Variants in MDGA2 observed in about 807,000 individuals in gnomAD.
MDGA2 encodes the protein MAM domain containing glycosylphosphatidylinositol anchor 2.
In MDGA2, 40 loss-of-function variants were observed where a neutral mutation model predicts 117.8. That is an observed-to-expected ratio of 0.34 (90% CI 0.26 to 0.44). The LOEUF is 0.44. Among genes scored for constraint, MDGA2 ranks in the 20% least tolerant of loss-of-function variants. The pLI, the probability that MDGA2 is intolerant of heterozygous loss-of-function variation, is 1.00. For missense variants in MDGA2, 1,123 were observed against 1,250.6 expected, an observed-to-expected ratio of 0.90 and a Z score of 1.54; for synonymous variants, 452 against 439.0, an observed-to-expected ratio of 1.03 and a Z score of -0.37.
chr14:47,454,965 T>C (rs1893318712), intron 1 of MDGA2, among the ~76,000 whole-genome samples: 1 of 152,180 alleles, frequency 6.6e-6, no homozygotes, highest in Non-Finnish European at 1.5e-5. Context: ...AGTGGAGAAG[T>C]GGATATAACA....
chr14:46,878,031 C>T (rs1882299305), intron 11 of MDGA2, among the ~76,000 whole-genome samples: 1 of 151,916 alleles, frequency 6.6e-6, no homozygotes, highest in Non-Finnish European at 1.5e-5. Context: ...TGAATAGCTA[C>T]ATCAATGCCT....
intron 1 of MDGA2, among the ~76,000 whole-genome samples, chr14:47,338,971 C>G (rs193138931): frequency 1.8e-4 from 28 of 152,172 alleles, no homozygotes; most frequent in Admixed American, 1.8e-3. Flanking sequence ...TAGCCATTAC[C>G]TTCATCAGGA....
At chr14:47,225,652 G>C (rs1886464227) in intron 2 of MDGA2, among the ~76,000 whole-genome samples, 1 of 151,380 alleles carries the variant, frequency 6.6e-6, no homozygotes, top group Non-Finnish European at 1.5e-5. Context: ...TCACACTCTG[G>C]GGACTGTTGT....
chr14:46,987,341 G>T (rs1170867760), intron 8 of MDGA2, among the ~76,000 whole-genome samples: 1 of 152,106 alleles, frequency 6.6e-6, no homozygotes, highest in African/African-American at 2.4e-5. Context: ...TTTGTGATTT[G>T]CCCTGCCAGA....
At chr14:47,485,935 A>T (rs1180920432) in intron 1 of MDGA2, among the ~76,000 whole-genome samples, 1 of 152,202 alleles carries the variant, frequency 6.6e-6, no homozygotes, top group Non-Finnish European at 1.5e-5. Flanking sequence ...GCTCTCATGG[A>T]GAACCTCTGC....
At chr14:47,266,544 T>C (rs768564436) in intron 2 of MDGA2, among the ~76,000 whole-genome samples, 1 of 152,148 alleles carries the variant, frequency 6.6e-6, no homozygotes, top group African/African-American at 2.4e-5. Flanking sequence ...AAAATTAAAA[T>C]CTGATTCTGT....
intron 2 of MDGA2, among the ~76,000 whole-genome samples, chr14:47,228,372 T>C (rs1886578877): frequency 6.6e-6 from 1 of 151,624 alleles, no homozygotes. Context: ...TTAATGATTT[T>C]TCTACTTGAT....
intron 1 of MDGA2, among the ~76,000 whole-genome samples, chr14:47,637,385 A>T (rs1451488823): frequency 1.3e-5 from 2 of 152,228 alleles, no homozygotes; most frequent in African/African-American, 4.8e-5. Flanking sequence ...TATTTAAAAT[A>T]ACTAAATTCC....
intron 5 of MDGA2, among the ~76,000 whole-genome samples, chr14:47,098,457 C>A (rs10144057): frequency 0.52 from 78,825 of 151,164 alleles, 20,941 homozygotes; most frequent in African/African-American, 0.64. Flanking sequence ...ATATGAAATT[C>A]TAAATATTTA....
rs933367775 is a variant in MDGA2 at position 47,088,795 on chromosome 14, A to T, written c.1195+8059T>A. On this transcript the variant is annotated intron_variant, in intron 6 of 16. Coordinates refer to ENST00000399232, the MANE Select transcript of MDGA2 (RefSeq NM_001113498.3). ...TGTATCTTTGTCTTTAGTGATTCCC[A>T]CTGATATCTTCCAGTAACTACAAAT... 2.0e-5 allele frequency among the ~76,000 whole-genome samples: 3 copies of T among 152,300 alleles called. No homozygotes were observed. In the East Asian group the frequency reaches 5.8e-4, roughly 29 times the overall value.
At chr14:47,569,136 C>G (rs566887503) in intron 1 of MDGA2, among the ~76,000 whole-genome samples, 30 of 151,880 alleles carry the variant, frequency 2.0e-4, no homozygotes, top group Non-Finnish European at 3.5e-4. Context: ...TCTGTCAGCA[C>G]CATAAGACAG....
chr14:46,965,200 G>C (rs1885979051), intron 8 of MDGA2, among the ~76,000 whole-genome samples: 1 of 120,218 alleles, frequency 8.3e-6, no homozygotes. Context: ...TGGGATTACA[G>C]GCGCGAGCCA....
chr14:46,967,019 G>C (rs907162349), intron 8 of MDGA2, among the ~76,000 whole-genome samples: 38 of 151,626 alleles, frequency 2.5e-4, no homozygotes, highest in African/African-American at 8.7e-4. Flanking sequence ...ATGAGTACCA[G>C]AACTGTAAGC....
At chr14:47,581,368 TA>T (rs920846239) in intron 1 of MDGA2, among the ~76,000 whole-genome samples, 13 of 152,028 alleles carry the variant, frequency 8.6e-5, no homozygotes, top group Non-Finnish European at 1.8e-4. Context: ...CTGTTTTGAT[TA>T]TTTGAGGATA....
At chr14:47,254,860 A>T (rs1248691069) in intron 2 of MDGA2, among the ~76,000 whole-genome samples, 6 of 152,224 alleles carry the variant, frequency 3.9e-5, no homozygotes, top group Non-Finnish European at 4.4e-5. Context: ...ACTTACAATC[A>T]TGATGGAAGA....
chr14:47,595,034 A>G (rs527620308), intron 1 of MDGA2, among the ~76,000 whole-genome samples: 5 of 152,200 alleles, frequency 3.3e-5, no homozygotes, highest in African/African-American at 1.2e-4. Context: ...GTACAGCTAA[A>G]CATTTTTTTC....
intron 2 of MDGA2, among the ~76,000 whole-genome samples, chr14:47,237,550 G>A (rs8020595): frequency 0.64 from 97,034 of 152,032 alleles, 31,514 homozygotes; most frequent in African/African-American, 0.74. Context: ...GTCACAGATT[G>A]TCACTTAGCT....
chr14:47,593,111 C>A (rs928999514), intron 1 of MDGA2, among the ~76,000 whole-genome samples: 1 of 152,128 alleles, frequency 6.6e-6, no homozygotes, highest in African/African-American at 2.4e-5. Flanking sequence ...ATTTACAAAG[C>A]CAACAAACAC....
intron 11 of MDGA2, among the ~76,000 whole-genome samples, chr14:46,879,437 A>G (rs553920903): frequency 1.3e-5 from 2 of 152,266 alleles, no homozygotes; most frequent in African/African-American, 4.8e-5. Context: ...TAAAGTATAC[A>G]TTGCCCAAAC....
Sources: gnomAD v4.1 joint callset for allele counts (sites outside exome capture counted in the v4.1 genomes callset) on GRCh38, gnomAD v4.1.1 for gene constraint, MANE v1.5 for transcripts, NCBI Gene and HGNC (gene_info 2026-07-23, HGNC 2026-07-21) for gene names.